Variants in WWOX observed in about 807,000 individuals in gnomAD.
WWOX encodes WW domain containing oxidoreductase.
A neutral mutation model predicts 46.2 loss-of-function variants in WWOX; 69 were observed. The ratio of observed to expected loss-of-function variants is 1.49; its 90% confidence interval spans 1.23 to 1.82. The LOEUF is 1.82. WWOX is among the 40% of genes most tolerant of loss of function. The pLI is 0.00. For synonymous variants in WWOX, 359 were observed against 202.6 expected (o/e 1.77, Z -6.56); for missense variants, 919 against 542.6 (o/e 1.69, Z -6.89).
At chr16:79,023,055 A>T (rs973243275) in intron 8 of WWOX, among the ~76,000 whole-genome samples, 23 of 152,150 alleles carry the variant, frequency 1.5e-4, no homozygotes, top group African/African-American at 3.6e-4. Context: ...GAAAAAACAA[A>T]AATAATACCT....
At chr16:79,161,853 C>T (rs898436629) in intron 8 of WWOX, among the ~76,000 whole-genome samples, 4 of 152,184 alleles carry the variant, frequency 2.6e-5, no homozygotes, top group African/African-American at 9.7e-5. Flanking sequence ...CTTTTTCTGT[C>T]ACCTCCCTGG....
Position 78,293,086 on chromosome 16 carries a change from T to C in WWOX, c.517-93774T>C, listed in dbSNP as rs1450136170. 2.0e-5 allele frequency among the ~76,000 whole-genome samples: 3 copies of C among 152,318 alleles called. No homozygotes were observed. The East Asian group carries it at 5.8e-4, about 29-fold the overall frequency. On this transcript the variant is annotated intron_variant, in intron 5 of 8. Coordinates refer to ENST00000566780, the MANE Select transcript of WWOX (RefSeq NM_016373.4). ...AAGGTATCTGAGCCTTTCTTTCGCCTCTCTACTTAGATCATATTCTTCCTG... is the reference window on the plus strand; with the variant it reads ...AAGGTATCTGAGCCTTTCTTTCGCCCCTCTACTTAGATCATATTCTTCCTG...
intron 8 of WWOX, among the ~76,000 whole-genome samples, chr16:78,532,667 T>C (rs1165031223): frequency 6.6e-6 from 1 of 152,140 alleles, no homozygotes; most frequent in Non-Finnish European, 1.5e-5. Flanking sequence ...GACACAGTGA[T>C]GGCAGAAGGT....
chr16:78,969,830 C>G (rs960398704), intron 8 of WWOX, among the ~76,000 whole-genome samples: 19 of 152,076 alleles, frequency 1.2e-4, no homozygotes, highest in African/African-American at 4.1e-4. Flanking sequence ...GAGTGGTTGC[C>G]AGGGGCTGGG....
intron 8 of WWOX, among the ~76,000 whole-genome samples, chr16:78,676,174 C>T (rs967746595): frequency 1.3e-5 from 2 of 151,864 alleles, no homozygotes; most frequent in African/African-American, 4.8e-5. Flanking sequence ...CGTGTCTTCT[C>T]TATAGCTTGC....
At chr16:78,830,065 C>T (rs555427895) in intron 8 of WWOX, among the ~76,000 whole-genome samples, 1 of 151,856 alleles carries the variant, frequency 6.6e-6, no homozygotes, top group East Asian at 1.9e-4. Context: ...CAAGACCAGC[C>T]TGGGTAACAT....
rs542925805 is a variant in WWOX at position 78,756,058 on chromosome 16, G to C, written c.1056+323306G>C. Among the ~76,000 whole-genome samples the C allele has an allele frequency of 5.9e-5, 9 of 152,286 alleles. No homozygotes were observed. The East Asian group carries it at 1.5e-3, about 26-fold the overall frequency. On this transcript the variant is annotated intron_variant, in intron 8 of 8. Coordinates refer to ENST00000566780, the MANE Select transcript of WWOX (RefSeq NM_016373.4). ...GAACTCTGAGGCATGAGAAGGCTCA[G>C]AATTCACCCCATCTTCAGTCTTTTA...
chr16:78,362,548 G>C (rs1424210539), intron 5 of WWOX, among the ~76,000 whole-genome samples: 1 of 152,106 alleles, frequency 6.6e-6, no homozygotes, highest in Non-Finnish European at 1.5e-5. Flanking sequence ...GGTGGAGGTA[G>C]CAGTGAGCTG....
chr16:78,639,713 G>A (rs758078012), intron 8 of WWOX, among the ~76,000 whole-genome samples: 6 of 152,098 alleles, frequency 3.9e-5, no homozygotes, highest in Admixed American at 2.0e-4. Context: ...ACAGGTGCCC[G>A]CCACCACGCC....
intron 8 of WWOX, among the ~76,000 whole-genome samples, chr16:79,048,448 G>A (rs1203206732): frequency 6.6e-6 from 1 of 152,046 alleles, no homozygotes; most frequent in Non-Finnish European, 1.5e-5. Context: ...GGGCTTCAGA[G>A]TTCACGTGTG....
At chr16:78,464,941 C>T (rs2084039683) in intron 8 of WWOX, among the ~76,000 whole-genome samples, 2 of 152,192 alleles carry the variant, frequency 1.3e-5, no homozygotes, top group African/African-American at 4.8e-5. Flanking sequence ...AGTCGTTTCA[C>T]CTGGCTGGGG....
chr16:78,273,784 A>C lies in WWOX; in HGVS notation c.516+109495A>C, dbSNP rs1465736006. Among the ~76,000 whole-genome samples the C allele has an allele frequency of 2.6e-5, 4 of 152,220 alleles. No homozygotes were observed. In the East Asian group the frequency reaches 7.7e-4, roughly 29 times the overall value. ...AATGGAGAAGGAAGGACAGAAGGCT[A>C]GTTTGGGACTTCTGGCTTGGACAGT... On this transcript the variant is annotated intron_variant, in intron 5 of 8. Transcript: ENST00000566780.
intron 8 of WWOX, among the ~76,000 whole-genome samples, chr16:78,445,166 C>A (rs79453811): frequency 0.07 from 10,594 of 152,146 alleles, 449 homozygotes; most frequent in East Asian, 0.2. Context: ...ATAAGCTGTC[C>A]TAGAGTCTGG....
intron 8 of WWOX, chr16:78,896,724 T>A (rs1486235207): frequency 1.4e-4 from 21 of 151,166 alleles, no homozygotes; most frequent in Non-Finnish European, 2.4e-4. Flanking sequence ...TAATATAAAA[T>A]TGGGCCTGTG....
intron 8 of WWOX, among the ~76,000 whole-genome samples, chr16:78,439,127 T>C (rs2083393649): frequency 6.6e-6 from 1 of 152,216 alleles, no homozygotes; most frequent in South Asian, 2.1e-4. Context: ...ATTGGTACAT[T>C]GGTGTATCAC....
At chr16:78,123,424 CTTTG>C (rs2033191014) in intron 4 of WWOX, 1 of 67,010 alleles carries the variant, frequency 1.5e-5, no homozygotes, top group African/African-American at 4.9e-5. Flanking sequence ...ATGTTTTTTT[CTTTG>C]TTTTTTGTTT....
chr16:79,190,821 A>G (rs1435391925), intron 8 of WWOX, among the ~76,000 whole-genome samples: 1 of 152,216 alleles, frequency 6.6e-6, no homozygotes, highest in East Asian at 1.9e-4. Context: ...TTGAGTACTT[A>G]TAAATGTAGA....
At chr16:79,205,546 C>G (rs879429411) in intron 8 of WWOX, 7 of 152,226 alleles carry the variant, frequency 4.6e-5, no homozygotes, top group Non-Finnish European at 8.8e-5. Context: ...TCTCACACTT[C>G]TAAAGCCTGA....
intron 4 of WWOX, among the ~76,000 whole-genome samples, chr16:78,161,593 C>T (rs1231707314): frequency 6.6e-6 from 1 of 152,040 alleles, no homozygotes; most frequent in Non-Finnish European, 1.5e-5. Context: ...ACTACCGGTA[C>T]CTGCCACCAC....
Sources: allele counts gnomAD v4.1 joint callset (sites outside exome capture counted in the v4.1 genomes callset), GRCh38; gene constraint gnomAD v4.1.1; transcripts MANE v1.5; gene names NCBI Gene and HGNC (gene_info 2026-07-23, HGNC 2026-07-21).